Variants in EFNA5 observed in about 807,000 individuals in gnomAD.
The protein encoded by EFNA5 is ephrin A5.
In EFNA5, 5 loss-of-function variants were observed where a neutral mutation model predicts 22.9. That is an observed-to-expected ratio of 0.22 (90% CI 0.11 to 0.46). The LOEUF (loss-of-function observed/expected upper bound fraction) is 0.46. EFNA5 is among the 20% of genes least tolerant of loss of function. EFNA5 has a pLI of 0.99. For missense variants in EFNA5, 237 were observed against 293.3 expected (o/e 0.81, Z 1.40); for synonymous variants, 113 against 112.2 (o/e 1.01, Z -0.04).
intron 1 of EFNA5, among the ~76,000 whole-genome samples, chr5:107,505,664 G>C (rs1747237144): frequency 6.6e-6 from 1 of 152,190 alleles, no homozygotes; most frequent in South Asian, 2.1e-4. Context: ...TGATTGCGTA[G>C]TGAAAATCTT....
intron 1 of EFNA5, among the ~76,000 whole-genome samples, chr5:107,552,462 T>C (rs1425379585): frequency 6.6e-6 from 1 of 152,154 alleles, no homozygotes; most frequent in Non-Finnish European, 1.5e-5. Context: ...AAAGCATAGG[T>C]AACTCATGGG....
At position 107,387,713 on chromosome 5, in the gene EFNA5, T is replaced by A; in HGVS notation, c.477A>T (p.Arg159Ser). 1.2e-6 allele frequency: 2 copies of A among 1,611,644 alleles called. No individual in the cohort carries two copies. Among genetic ancestry groups the A allele is most frequent in the Non-Finnish European group, 1.7e-6 (2 of 1,178,404 alleles). ...RSCLKLKVFV[R>S]PTNSCMKTIG... is the part of the protein sequence containing the mutation. Reference sequence around the variant, plus strand: ...TCATTCTAGTGAACTTACTTGTTGGTCTCACAAAGACTTTGAGCTTTAGAC... The same window carrying A: ...TCATTCTAGTGAACTTACTTGTTGGACTCACAAAGACTTTGAGCTTTAGAC... The change falls in exon 3 of 5, where the codon AGA (arginine) becomes AGT (serine). Residue 159 changes from arginine to serine, a missense_variant. By Grantham distance (110) the Arg-to-Ser change is moderately radical. Transcript: ENST00000333274.
In EFNA5 at chr5:107,556,917, C is replaced by CT. The variant is rs36095198; in HGVS notation, c.125+113571dup. Among the ~76,000 whole-genome samples, 1,094 of 150,896 alleles carry CT rather than the reference C, an allele frequency of 7.3e-3. 11 individuals are homozygous for CT. The highest frequency in any genetic ancestry group is 0.026 in the African/African-American group (1,053 of 41,194). On this transcript the variant is annotated intron_variant, in intron 1 of 4. Coordinates refer to ENST00000333274, the MANE Select transcript of EFNA5 (RefSeq NM_001962.3). The stretch of plus-strand genomic sequence containing the variant: ...CCACTAATGAAAAGCCACAGGAAGA[C>CT]TTTTTTTTTAATCTAAATTTTGATC...
At chr5:107,463,018 T>C (rs1749873199) in intron 1 of EFNA5, among the ~76,000 whole-genome samples, 1 of 152,142 alleles carries the variant, frequency 6.6e-6, no homozygotes, top group African/African-American at 2.4e-5. Context: ...ATATGTCATA[T>C]ACTCTCCAGG....
rs1747661825 is a variant in EFNA5, at chr5:107,387,609, T to G, written c.484+97A>C. The G allele has an allele frequency of 7.3e-6, 6 of 819,458 alleles. No homozygotes were observed. In the East Asian group the frequency reaches 1.5e-4, roughly 20 times the overall value. The allele number at this position is 819,458 out of a possible 1,614,324, so 50.8% of individuals were successfully genotyped here. A position where few individuals can be genotyped will look rare whatever the true frequency, so the allele number is the denominator to read the frequency against. Reference sequence around the variant, plus strand: ...TATACAAAACAGATACCACACAAGATTTAACAGTAAAAAAAAGTTTTACCG... The same window carrying G: ...TATACAAAACAGATACCACACAAGAGTTAACAGTAAAAAAAAGTTTTACCG... On this transcript the variant is annotated intron_variant, in intron 3 of 4. Transcript: ENST00000333274.
chr5:107,438,651 C>T (rs768956951), intron 1 of EFNA5, among the ~76,000 whole-genome samples: 4 of 152,094 alleles, frequency 2.6e-5, no homozygotes, highest in Non-Finnish European at 4.4e-5. Flanking sequence ...AGGAAACCAG[C>T]GTTCTCAGGC....
rs1332566263 is a variant in EFNA5, at chr5:107,376,985, T to TG, written c.*4269dup. The TG allele has an allele frequency of 6.7e-6, 1 of 148,742 alleles. No homozygotes were observed. Among genetic ancestry groups the TG allele is most frequent in the South Asian group, 2.1e-4 (1 of 4,814 alleles). The allele number at this position is 148,742 out of a possible 1,614,324, so 9.2% of individuals were successfully genotyped here. On this transcript the variant is annotated 3_prime_UTR_variant, in exon 5 of 5. Transcript: ENST00000333274. ...CAGATCGTATGGGTTTGTTTGTGTG[T>TG]GGGTTTTTTTTTTTTACATTTTCTT...
intron 1 of EFNA5, among the ~76,000 whole-genome samples, chr5:107,628,783 C>T (rs1750188335): frequency 6.6e-6 from 1 of 152,044 alleles, no homozygotes; most frequent in African/African-American, 2.4e-5. Flanking sequence ...AAAGAGAAGG[C>T]CTTATTTAGG....
intron 1 of EFNA5, among the ~76,000 whole-genome samples, chr5:107,636,690 A>C (rs1212562126): frequency 6.6e-6 from 1 of 152,234 alleles, no homozygotes; most frequent in Non-Finnish European, 1.5e-5. Flanking sequence ...ATGTTCTTGA[A>C]TACAGATGGC....
intron 2 of EFNA5, among the ~76,000 whole-genome samples, chr5:107,411,346 T>A (rs1748361871): frequency 6.6e-6 from 1 of 152,196 alleles, no homozygotes; most frequent in Admixed American, 6.6e-5. Flanking sequence ...AAAAAAATAC[T>A]CTGAAGAACT....
chr5:107,648,099 A>T (rs865790680), intron 1 of EFNA5, among the ~76,000 whole-genome samples: 1 of 152,198 alleles, frequency 6.6e-6, no homozygotes, highest in Non-Finnish European at 1.5e-5. Flanking sequence ...TTTTGCCTAA[A>T]TCATTCTTGC....
At chr5:107,486,409 A>T (rs1043942432) in intron 1 of EFNA5, among the ~76,000 whole-genome samples, 1 of 152,196 alleles carries the variant, frequency 6.6e-6, no homozygotes, top group African/African-American at 2.4e-5. Flanking sequence ...ACACACCCAT[A>T]AGAAAGAACT....
chr5:107,570,150 C>G (rs1356461134), intron 1 of EFNA5, among the ~76,000 whole-genome samples: 1 of 152,120 alleles, frequency 6.6e-6, no homozygotes, highest in Non-Finnish European at 1.5e-5. Flanking sequence ...AGAGGCAAGA[C>G]CCATAAAGGA....
chr5:107,626,754 A>G (rs1466862655), intron 1 of EFNA5, among the ~76,000 whole-genome samples: 1 of 152,230 alleles, frequency 6.6e-6, no homozygotes, highest in African/African-American at 2.4e-5. Flanking sequence ...CTGTTTCAGC[A>G]TTATTTTCAG....
chr5:107,659,674 C>T lies in EFNA5; in HGVS notation c.125+10815G>A, dbSNP rs75079119. Reference sequence around the variant, plus strand: ...CCAGATGTCAATGAAAAATCTAGAGCTAAGTAAAAAAAAAATAATTTGCAA... The same window carrying T: ...CCAGATGTCAATGAAAAATCTAGAGTTAAGTAAAAAAAAAATAATTTGCAA... On this transcript the variant is annotated intron_variant, in intron 1 of 4. Transcript: ENST00000333274. Among the ~76,000 whole-genome samples the T allele has an allele frequency of 7.8e-3, 1,163 of 149,954 alleles. 20 individuals carry two copies. The highest frequency in any genetic ancestry group is 0.026 in the African/African-American group (1,074 of 40,860).
At chr5:107,578,755 A>G (rs1162058328) in intron 1 of EFNA5, among the ~76,000 whole-genome samples, 2 of 152,146 alleles carry the variant, frequency 1.3e-5, no homozygotes, top group African/African-American at 2.4e-5. Context: ...TTCTTTTTGC[A>G]GTAAAAAGGA....
At chr5:107,560,546 G>A (rs560386353) in intron 1 of EFNA5, among the ~76,000 whole-genome samples, 8 of 152,204 alleles carry the variant, frequency 5.3e-5, no homozygotes, top group East Asian at 3.9e-4. Flanking sequence ...CCCCCGTGCC[G>A]CTGTGAACTG....
intron 1 of EFNA5, among the ~76,000 whole-genome samples, chr5:107,607,885 C>T (rs184788614): frequency 2.5e-4 from 38 of 152,238 alleles, no homozygotes; most frequent in African/African-American, 8.4e-4. Flanking sequence ...TTTCCTCCTC[C>T]CCCTAACACT....
intron 1 of EFNA5, among the ~76,000 whole-genome samples, chr5:107,473,437 G>C (rs974248091): frequency 6.6e-5 from 10 of 152,130 alleles, no homozygotes; most frequent in African/African-American, 2.4e-4. Context: ...ACCAAGAAGA[G>C]CCAGGTGTCT....
Sources: allele counts gnomAD v4.1 joint callset (sites outside exome capture counted in the v4.1 genomes callset), GRCh38; gene constraint gnomAD v4.1.1; transcripts MANE v1.5; gene names NCBI Gene and HGNC (gene_info 2026-07-23, HGNC 2026-07-21).